SNX29: variants seen among roughly 807,000 people sequenced by gnomAD.
The protein encoded by SNX29 is sorting nexin 29.
SNX29 carries 78 observed loss-of-function variants against 102.1 expected under a neutral mutation model. The ratio of observed to expected loss-of-function variants is 0.76; its 90% CI spans 0.64 to 0.92. SNX29 has a LOEUF of 0.92. Ranked by LOEUF, SNX29 falls within the 40% of genes least tolerant of loss-of-function variation. SNX29 has a pLI of 0.00. For synonymous variants in SNX29, 580 were observed against 414.5 expected, an observed-to-expected ratio of 1.40 and a Z score of -4.85; for missense variants, 1,280 against 1,061.7, an observed-to-expected ratio of 1.21 and a Z score of -2.86.
intron 20 of SNX29, among the ~76,000 whole-genome samples, chr16:12,549,909 A>G (rs1371468350): frequency 1.3e-5 from 2 of 152,260 alleles, no homozygotes; most frequent in African/African-American, 2.4e-5. Flanking sequence ...ATGATGGCCC[A>G]CAGGCCAAAT....
At chr16:12,013,528 T>TATATA (rs2056745109) in intron 3 of SNX29, among the ~76,000 whole-genome samples, 1 of 116,010 alleles carries the variant, frequency 8.6e-6, no homozygotes, top group Admixed American at 9.3e-5. Context: ...TATATATATA[T>TATATA]ATATATATAT....
intron 14 of SNX29, among the ~76,000 whole-genome samples, chr16:12,219,464 G>C (rs572508248): frequency 6.6e-6 from 1 of 152,076 alleles, no homozygotes; most frequent in African/African-American, 2.4e-5. Context: ...TTTAGCAAAC[G>C]CCACTTGTGA....
Position 12,499,478 on chromosome 16 carries a change from G to A in SNX29, c.2178+21619G>A, listed in dbSNP as rs532569026. Among the ~76,000 whole-genome samples, 19 of 152,274 alleles carry A rather than the reference G, an allele frequency of 1.2e-4. 1 individual carries two copies. In the South Asian group the frequency reaches 3.3e-3, roughly 27 times the overall value. On this transcript the variant is annotated intron_variant, in intron 19 of 20. Coordinates refer to ENST00000566228, the MANE Select transcript of SNX29 (RefSeq NM_032167.5). ...AAGGCGTCTTGGGGATCCTCCCTTA[G>A]TCTGTGCTTAGGCCACATAGCTCTG...
intron 15 of SNX29, among the ~76,000 whole-genome samples, chr16:12,307,919 G>T (rs1030275209): frequency 6.6e-6 from 1 of 152,190 alleles, no homozygotes; most frequent in Non-Finnish European, 1.5e-5. Flanking sequence ...GAAGAGGTGG[G>T]CTTCCTCTGC....
At chr16:12,423,866 C>G (rs914298684) in intron 18 of SNX29, among the ~76,000 whole-genome samples, 2 of 152,208 alleles carry the variant, frequency 1.3e-5, no homozygotes, top group Admixed American at 1.3e-4. Context: ...GCTACCGTGC[C>G]CAGCCTACAA....
At chr16:12,259,437 C>G (rs2078669012) in intron 14 of SNX29, among the ~76,000 whole-genome samples, 1 of 152,126 alleles carries the variant, frequency 6.6e-6, no homozygotes, top group Admixed American at 6.5e-5. Context: ...AGCCCTAGTT[C>G]TGCTGGGTGA....
intron 16 of SNX29, among the ~76,000 whole-genome samples, chr16:12,384,588 G>T (rs1410370024): frequency 3.9e-5 from 6 of 152,108 alleles, no homozygotes; most frequent in Non-Finnish European, 8.8e-5. Flanking sequence ...TTGTTGAGTT[G>T]TTTGAGTTTC....
At chr16:12,412,871 GCAAA>G (rs1248486332) in intron 18 of SNX29, among the ~76,000 whole-genome samples, 2 of 152,154 alleles carry the variant, frequency 1.3e-5, no homozygotes, top group Non-Finnish European at 2.9e-5. Context: ...ACTCTCAGTA[GCAAA>G]CAGAGTGGAG....
In SNX29 at chr16:12,127,902, C is replaced by A. The variant is rs574218965; in HGVS notation, c.1466+1206C>A. ...ATAGAGGGCTTACCTGCAGTTACCC[C>A]CTGAACTTCTGCAAGCATGATTCAA... On this transcript the variant is annotated intron_variant, in intron 12 of 20. Coordinates refer to ENST00000566228, the MANE Select transcript of SNX29 (RefSeq NM_032167.5). Among the ~76,000 whole-genome samples the A allele has an allele frequency of 8.5e-5, 13 of 152,200 alleles. No individual in the cohort carries two copies. In the East Asian group the frequency reaches 2.5e-3, roughly 30 times the overall value.
chr16:12,446,684 GC>G (rs1463676223), intron 18 of SNX29, among the ~76,000 whole-genome samples: 1 of 152,158 alleles, frequency 6.6e-6, no homozygotes, highest in Non-Finnish European at 1.5e-5. Flanking sequence ...TTTCCTCTGT[GC>G]CTTGTTAGGT....
intron 13 of SNX29, among the ~76,000 whole-genome samples, chr16:12,174,733 A>G (rs2076222362): frequency 6.6e-6 from 1 of 152,236 alleles, no homozygotes; most frequent in Non-Finnish European, 1.5e-5. Context: ...TAAATGATGA[A>G]CAATAAAAAG....
chr16:12,541,264 A>T (rs1411100802), intron 20 of SNX29, among the ~76,000 whole-genome samples: 1 of 152,150 alleles, frequency 6.6e-6, no homozygotes, highest in East Asian at 1.9e-4. Flanking sequence ...TCAGGGAGAG[A>T]ATGACAGGAG....
At chr16:12,038,895 C>G (rs1020493580) in intron 4 of SNX29, 19 of 152,288 alleles carry the variant, frequency 1.2e-4, no homozygotes, top group African/African-American at 4.3e-4. Flanking sequence ...CGCCAGATTC[C>G]CCGTCCTGGT....
At chr16:12,314,932 C>A (rs1337803946) in intron 15 of SNX29, among the ~76,000 whole-genome samples, 5 of 152,198 alleles carry the variant, frequency 3.3e-5, no homozygotes, top group African/African-American at 9.7e-5. Context: ...TCTCAATAAT[C>A]CTTGAGTGGT....
chr16:11,992,828 C>T (rs916529924), intron 1 of SNX29, among the ~76,000 whole-genome samples: 7 of 152,176 alleles, frequency 4.6e-5, no homozygotes, highest in African/African-American at 1.4e-4. Flanking sequence ...ATGACGTCAC[C>T]TCCACCGCTG....
chr16:12,061,530 C>T lies in SNX29; in HGVS notation c.1127C>T (p.Pro376Leu), dbSNP rs377656568. 8.0e-5 allele frequency: 127 copies of T among 1,597,220 alleles called. 2 individuals are homozygous for T. Among genetic ancestry groups the T allele is most frequent in the South Asian group, 3.8e-4 (33 of 87,558 alleles). Residue 376 changes from proline (P) to leucine (L), a missense_variant and splice_region_variant, in exon 9 of 21, where the codon CCA becomes CTA. Pro to Leu is a moderately conservative substitution (Grantham distance 98). Transcript: ENST00000566228. ...HRGHSESPEK[P>L]LEGNTCLSQM... The stretch of plus-strand genomic sequence containing the variant: ...GCAGCTGTATTCTTTCACCTTAGGC[C>T]ACTGGAAGGGAACACCTGCCTCTCC...
At chr16:12,167,215 T>C (rs1179098276) in intron 13 of SNX29, among the ~76,000 whole-genome samples, 4 of 152,178 alleles carry the variant, frequency 2.6e-5, no homozygotes, top group Admixed American at 2.6e-4. Context: ...TCATGAGAAG[T>C]CTGGTTCCAG....
chr16:12,198,121 A>G (rs2076823867), intron 13 of SNX29, among the ~76,000 whole-genome samples: 1 of 152,166 alleles, frequency 6.6e-6, no homozygotes, highest in East Asian at 1.9e-4. Context: ...CTATCCTGTC[A>G]TAGAGACTCT....
intron 14 of SNX29, among the ~76,000 whole-genome samples, chr16:12,257,501 A>ATCAC (rs2078608591): frequency 6.7e-6 from 1 of 149,876 alleles, no homozygotes; most frequent in East Asian, 2.0e-4. Context: ...TACCACTAGC[A>ATCAC]TCTCTCTCTC....
Sources: allele counts gnomAD v4.1 joint callset (sites outside exome capture counted in the v4.1 genomes callset), GRCh38; gene constraint gnomAD v4.1.1; transcripts MANE v1.5; gene names NCBI Gene and HGNC (gene_info 2026-07-23, HGNC 2026-07-21).